The following HIPK2 variants were observed in gnomAD, a reference collection of about 807,000 sequenced individuals.
HIPK2 encodes the protein homeodomain-interacting protein kinase 2.
Under a neutral mutation model 113.7 loss-of-function variants are expected in HIPK2, and 27 were observed. The observed-to-expected ratio is 0.24, with a 90% confidence interval of 0.17 to 0.33. The LOEUF (loss-of-function observed/expected upper bound fraction) is 0.33, where lower values mean the gene tolerates loss of function less well. Ranked by LOEUF, HIPK2 falls within the 10% of genes least tolerant of loss-of-function variation. HIPK2 has a pLI of 1.00. For synonymous variants in HIPK2, 631 were observed against 642.2 expected (o/e 0.98, Z 0.26); for missense variants, 1,257 against 1,588.0 (o/e 0.79, Z 3.54).
At position 139,716,362 on chromosome 7, in the gene HIPK2, C is replaced by T. The variant is rs1047433519; in HGVS notation, c.673G>A (p.Val225Ile). ...TGGTTCTTCAGGATCTTGATGGCTA[C>T]GATCTCATTGGTGCCCCGTTTCCAG... ...KCWKRGTNEIVAIKILKNHPS... is the reference protein window; with the variant it reads ...KCWKRGTNEIIAIKILKNHPS... Residue 225 changes from valine (V) to isoleucine (I), a missense_variant, in exon 2 of 15, where the codon GTA (valine) becomes ATA (isoleucine). This residue lies in a region of HIPK2 where 78 missense variants were observed against 145.7 expected (regional missense o/e 0.54). Transcript: ENST00000406875. The surrounding 1 kb of genome is among the most constrained non-coding windows in gnomAD (Gnocchi z 9.3). The T allele has an allele frequency of 6.8e-6, 11 of 1,613,998 alleles. No individual in the cohort carries two copies. Among genetic ancestry groups the T allele is most frequent in the Middle Eastern group, 1.6e-4 (1 of 6,084 alleles).
intron 2 of HIPK2, among the ~76,000 whole-genome samples, chr7:139,648,790 T>G (rs890359186): frequency 1.4e-5 from 2 of 143,774 alleles, no homozygotes; most frequent in African/African-American, 5.2e-5. Flanking sequence ...GTGCTGCGGG[T>G]TTTTTTTTTC....
intron 2 of HIPK2, among the ~76,000 whole-genome samples, chr7:139,659,069 G>A (rs962833543): frequency 2.6e-5 from 4 of 152,170 alleles, no homozygotes; most frequent in Non-Finnish European, 4.4e-5. Context: ...GACGGCATGT[G>A]GTATTGGCAT....
chr7:139,657,335 C>T (rs932333065), intron 2 of HIPK2, among the ~76,000 whole-genome samples: 1 of 152,230 alleles, frequency 6.6e-6, no homozygotes, highest in African/African-American at 2.4e-5. Context: ...CATCTACCAT[C>T]CTAGGTAGTG....
chr7:139,690,939 C>T (rs1341805161), intron 2 of HIPK2, among the ~76,000 whole-genome samples: 1 of 152,186 alleles, frequency 6.6e-6, no homozygotes, highest in East Asian at 1.9e-4. Flanking sequence ...AGACATCCTA[C>T]GAACCGGGTG....
chr7:139,667,354 T>C (rs1397307828), intron 2 of HIPK2, among the ~76,000 whole-genome samples: 1 of 152,204 alleles, frequency 6.6e-6, no homozygotes, highest in Non-Finnish European at 1.5e-5. Flanking sequence ...TATACACATA[T>C]AGCTTTTAAA....
At chr7:139,615,577 T>C (rs1800010865) in intron 7 of HIPK2, among the ~76,000 whole-genome samples, 1 of 152,226 alleles carries the variant, frequency 6.6e-6, no homozygotes, top group Admixed American at 6.5e-5. Flanking sequence ...ACTGATCCTT[T>C]AGCAAGATAG....
chr7:139,589,614 T>C (rs1309876658), intron 12 of HIPK2, among the ~76,000 whole-genome samples: 1 of 152,202 alleles, frequency 6.6e-6, no homozygotes, highest in African/African-American at 2.4e-5. Flanking sequence ...GTCACTGAGC[T>C]TCTTGTCACT....
intron 2 of HIPK2, among the ~76,000 whole-genome samples, chr7:139,703,950 TAC>T (rs1484997684): frequency 1.6e-4 from 1 of 6,070 alleles, no homozygotes; most frequent in Non-Finnish European, 2.9e-4. Flanking sequence ...ATATCCAACA[TAC>T]ACACCCCCAA....
intron 9 of HIPK2, among the ~76,000 whole-genome samples, chr7:139,604,795 T>C (rs1585265686): frequency 6.6e-6 from 1 of 152,174 alleles, no homozygotes; most frequent in Admixed American, 6.5e-5. Flanking sequence ...GAATGATTTC[T>C]TTATAAATTT....
chr7:139,692,287 G>A (rs770067335), intron 2 of HIPK2, among the ~76,000 whole-genome samples: 12 of 152,192 alleles, frequency 7.9e-5, no homozygotes, highest in East Asian at 1.9e-4. Flanking sequence ...GAACCTGGAA[G>A]TGAACTCAAA....
chr7:139,573,425 G>C, intron 14 of HIPK2, 28 bp from the exon 15 acceptor site: 1 of 1,593,072 alleles, frequency 6.3e-7, no homozygotes. Flanking sequence ...CAAGAGAGAC[G>C]TCAGGGGCCG....
chr7:139,665,230 G>T (rs925694083), intron 2 of HIPK2, among the ~76,000 whole-genome samples: 8 of 151,904 alleles, frequency 5.3e-5, no homozygotes, highest in African/African-American at 1.9e-4. Context: ...CAGAGATGGA[G>T]GTCTTACTAT....
chr7:139,668,164 C>T (rs573380573), intron 2 of HIPK2, among the ~76,000 whole-genome samples: 5 of 150,746 alleles, frequency 3.3e-5, no homozygotes, highest in Admixed American at 3.3e-4. Context: ...AAGCAGTTAC[C>T]TGCATATGAT....
At position 139,572,897 on chromosome 7, in the gene HIPK2, C is replaced by CT; in HGVS notation, c.*29dup. The CT allele has an allele frequency of 1.1e-5, 6 of 571,116 alleles. No homozygotes were observed. Among genetic ancestry groups the CT allele is most frequent in the Non-Finnish European group, 1.6e-5 (5 of 308,982 alleles). 35.4% of individuals were successfully genotyped at this position (571,116 alleles called of 1,614,324 possible). On this transcript the variant is annotated 3_prime_UTR_variant, in exon 15 of 15. Transcript: ENST00000406875. Reference sequence around the variant, plus strand: ...CCTCCTCCCTCGGGCCATTCTCTCCCTCCCTCCCTCCCTCCCTCCCCTCCA... The same window carrying CT: ...CCTCCTCCCTCGGGCCATTCTCTCCCTTCCCTCCCTCCCTCCCTCCCCTCCA...
chr7:139,663,040 C>G (rs1585346462), intron 2 of HIPK2, among the ~76,000 whole-genome samples: 1 of 152,324 alleles, frequency 6.6e-6, no homozygotes, highest in African/African-American at 2.4e-5. Context: ...CCACCATGGC[C>G]TCTGACTGGG....
At chr7:139,725,154 T>C (rs1373220527) in intron 1 of HIPK2, among the ~76,000 whole-genome samples, 1 of 152,148 alleles carries the variant, frequency 6.6e-6, no homozygotes, top group Non-Finnish European at 1.5e-5. Flanking sequence ...TAGAATCTCA[T>C]GGGGATTGCC....
At chr7:139,581,466 T>TAGAG (rs554884190) in intron 13 of HIPK2, among the ~76,000 whole-genome samples, 1,652 of 152,306 alleles carry the variant, frequency 0.011, 38 homozygotes, top group African/African-American at 0.037. Context: ...TAAGCCAGTG[T>TAGAG]AGAGTTCATT....
chr7:139,621,697 G>A (rs1800238515), intron 6 of HIPK2, among the ~76,000 whole-genome samples: 1 of 152,114 alleles, frequency 6.6e-6, no homozygotes. Context: ...GGAGGTCAAG[G>A]TGGGTGGAGT....
chr7:139,775,451 G>A (rs1463603485), intron 1 of HIPK2, among the ~76,000 whole-genome samples: 1 of 152,164 alleles, frequency 6.6e-6, no homozygotes, highest in Non-Finnish European at 1.5e-5. Context: ...ACTGATGTGG[G>A]CCAGTTGAGG....
Sources: gnomAD v4.1 joint callset for allele counts (sites outside exome capture counted in the v4.1 genomes callset) on GRCh38, gnomAD v4.1.1 for gene constraint, gnomAD v4.1.1 regional missense constraint, Gnocchi (gnomAD v3.1) non-coding constraint, MANE v1.5 for transcripts, NCBI Gene and HGNC (gene_info 2026-07-23, HGNC 2026-07-21) for gene names.